PLEKHG1: variants seen among roughly 807,000 people sequenced by gnomAD.
PLEKHG1 encodes the protein pleckstrin homology domain-containing family G member 1.
A neutral mutation model predicts 100.8 loss-of-function variants in PLEKHG1; 44 were observed. The observed-to-expected ratio is 0.44, with a 90% CI of 0.34 to 0.56. PLEKHG1 has a LOEUF of 0.56. Ranked by LOEUF, PLEKHG1 falls within the 20% of genes least tolerant of loss-of-function variation. The pLI is 0.01. For synonymous variants in PLEKHG1, 640 were observed against 662.5 expected (o/e 0.97, Z 0.52); for missense variants, 1,545 against 1,720.9 (o/e 0.90, Z 1.81).
chr6:150,786,281 T>C, intron 3 of PLEKHG1, 109 bp from the exon 5 acceptor site: 2 of 738,992 alleles, frequency 2.7e-6, no homozygotes, highest in Admixed American at 4.8e-5. Flanking sequence ...TATCCAATTA[T>C]ATGATTCCTT....
At chr6:150,749,747 C>T (rs1783387414) in intron 2 of PLEKHG1, among the ~76,000 whole-genome samples, 1 of 152,134 alleles carries the variant, frequency 6.6e-6, no homozygotes, top group South Asian at 2.1e-4. Flanking sequence ...TCAGATTTAT[C>T]TAGAATGTTC....
At chr6:150,717,902 C>G (rs566514071), upstream of PLEKHG1, among the ~76,000 whole-genome samples, 4 of 152,070 alleles carry the variant, frequency 2.6e-5, no homozygotes, top group South Asian at 8.3e-4. Context: ...ATGGGGAAAC[C>G]CTGTCTGTAC....
chr6:150,746,206 C>T (rs1783155017), intron 2 of PLEKHG1, among the ~76,000 whole-genome samples: 1 of 152,224 alleles, frequency 6.6e-6, no homozygotes, highest in Non-Finnish European at 1.5e-5. Flanking sequence ...TTTCTGCATT[C>T]ACCCAGTGTT....
At chr6:150,777,872 C>T (rs536409528) in intron 3 of PLEKHG1, among the ~76,000 whole-genome samples, 2 of 152,370 alleles carry the variant, frequency 1.3e-5, no homozygotes, top group South Asian at 2.1e-4. Flanking sequence ...ATGAGAAATC[C>T]GTAGTCTCCA....
chr6:150,779,639 C>T (rs1001139844), intron 3 of PLEKHG1, among the ~76,000 whole-genome samples: 2 of 151,702 alleles, frequency 1.3e-5, no homozygotes, highest in African/African-American at 4.8e-5. Context: ...AGCCACCATG[C>T]CTGGCCTGCC....
At chr6:150,738,683 A>T (rs143823480) in intron 2 of PLEKHG1, among the ~76,000 whole-genome samples, 2 of 152,074 alleles carry the variant, frequency 1.3e-5, no homozygotes, top group Admixed American at 1.3e-4. Context: ...TCTTCCCCAG[A>T]TCCTTCTCTC....
exon 16 of PLEKHG1, chr6:150,840,907 A>C (rs1263370282): frequency 1.3e-6 from 2 of 1,571,562 alleles, no homozygotes; most frequent in Non-Finnish European, 1.7e-6. Flanking sequence ...GGTTCTTCAT[A>C]ATAACTGCTT....
intron 6 of PLEKHG1, 115 bp downstream of exon 7, chr6:150,800,984 C>A: frequency 2.4e-6 from 2 of 823,624 alleles, no homozygotes; most frequent in Non-Finnish European, 1.9e-6. Context: ...ATTTCCCACA[C>A]TCATATTTCA....
intron 2 of PLEKHG1, among the ~76,000 whole-genome samples, chr6:150,757,690 T>TTTC (rs1003816327): frequency 6.6e-6 from 1 of 152,166 alleles, no homozygotes; most frequent in African/African-American, 2.4e-5. Context: ...GGATTCTTTT[T>TTTC]TTCTTCTTCT....
At chr6:150,675,899 T>C (rs17080087) in intron 3 of PLEKHG1, among the ~76,000 whole-genome samples, 15,098 of 152,252 alleles carry the variant, frequency 0.099, 855 homozygotes, top group South Asian at 0.16. Context: ...CAGATATCAT[T>C]AAATACCTAC....
chr6:150,730,044 AAAG>A (rs1179883472), intron 1 of PLEKHG1, among the ~76,000 whole-genome samples: 1 of 152,180 alleles, frequency 6.6e-6, no homozygotes, highest in Non-Finnish European at 1.5e-5. Context: ...TAAGTAGAGA[AAAG>A]AAATGATGAT....
At chr6:150,654,593 G>A (rs1339211723) in intron 3 of PLEKHG1, among the ~76,000 whole-genome samples, 1 of 152,214 alleles carries the variant, frequency 6.6e-6, no homozygotes, top group Non-Finnish European at 1.5e-5. Context: ...TTGTGGGATT[G>A]AAATATGACT....
intron 10 of PLEKHG1, among the ~76,000 whole-genome samples, chr6:150,817,552 G>A (rs1462470150): frequency 1.4e-5 from 2 of 138,242 alleles, no homozygotes; most frequent in Non-Finnish European, 3.0e-5. Context: ...GCAAGAATCT[G>A]CATTTTTTTT....
chr6:150,832,055 C>G (rs1011326446), exon 15 of PLEKHG1: 2 of 1,614,002 alleles, frequency 1.2e-6, no homozygotes, highest in African/African-American at 2.7e-5. Context: ...GATGGCTCGG[C>G]AGTACAGTCA....
intron 2 of PLEKHG1, among the ~76,000 whole-genome samples, chr6:150,757,561 A>G (rs1583066384): frequency 6.7e-6 from 1 of 150,152 alleles, no homozygotes; most frequent in South Asian, 2.1e-4. Flanking sequence ...GCACACAAGT[A>G]TGTGTGTGTG....
At chr6:150,617,101 T>C (rs374212996) in intron 1 of PLEKHG1, among the ~76,000 whole-genome samples, 2 of 152,250 alleles carry the variant, frequency 1.3e-5, no homozygotes, top group Non-Finnish European at 2.9e-5. Flanking sequence ...TTTCTTGCAT[T>C]GCATATTCCC....
chr6:150,831,918 T>C lies in PLEKHG1; in HGVS notation c.2807T>C (p.Leu936Pro), dbSNP rs1776960434. ...TTTATGAGCCTTAACCGGCTTTCTC[T>C]GGCTAGTGAAATGCCCCTCATGGAC... The change falls in exon 15 of 16, where the codon CTG becomes CCG. Residue 936 changes from leucine (L) to proline (P), a missense_variant. Leu to Pro is a moderately conservative substitution (Grantham distance 98). Coordinates refer to ENST00000358517, the Ensembl canonical transcript of PLEKHG1. This position sits in a 1 kb window ranked among gnomAD's most constrained non-coding sequence, Gnocchi z 4.1. 1 of 1,614,068 alleles carries C rather than the reference T, an allele frequency of 6.2e-7. No individual in the cohort carries two copies. The highest frequency in any genetic ancestry group is 2.2e-5 in the East Asian group (1 of 44,876).
chr6:150,806,814 A>C (rs933540982), intron 7 of PLEKHG1, among the ~76,000 whole-genome samples: 10 of 140,718 alleles, frequency 7.1e-5, no homozygotes, highest in Middle Eastern at 3.4e-3. Flanking sequence ...TGGGAGACAG[A>C]GCAAGACTCC....
At chr6:150,748,230 G>A (rs1783271913) in intron 2 of PLEKHG1, among the ~76,000 whole-genome samples, 1 of 152,080 alleles carries the variant, frequency 6.6e-6, no homozygotes, top group Non-Finnish European at 1.5e-5. Flanking sequence ...CCTTCTTACG[G>A]CTGAGTAATA....
Sources: allele counts gnomAD v4.1 joint callset (sites outside exome capture counted in the v4.1 genomes callset), GRCh38; gene constraint gnomAD v4.1.1; non-coding constraint Gnocchi (gnomAD v3.1); transcripts MANE v1.5; gene names NCBI Gene and HGNC (gene_info 2026-07-23, HGNC 2026-07-21).